The following LRPPRC variants were observed in gnomAD, a reference collection of about 807,000 sequenced individuals.
The protein encoded by LRPPRC is leucine-rich PPR motif-containing protein, mitochondrial.
In LRPPRC, 120 loss-of-function variants were observed where a neutral mutation model predicts 180.3. The observed-to-expected ratio is 0.67, with a 90% CI of 0.57 to 0.77. The LOEUF (loss-of-function observed/expected upper bound fraction) is 0.77, where lower values mean the gene tolerates loss of function less well. Ranked by LOEUF, LRPPRC falls within the 30% of genes least tolerant of loss-of-function variation. LRPPRC has a pLI of 0.00. For synonymous variants in LRPPRC, 723 were observed against 600.0 expected, an observed-to-expected ratio of 1.21 and a Z score of -3.00; for missense variants, 2,012 against 1,657.2, an observed-to-expected ratio of 1.21 and a Z score of -3.72.
chr2:43,920,864 G>T lies in LRPPRC; in HGVS notation c.2897-2466C>A, dbSNP rs138078300. Among the ~76,000 whole-genome samples, 133 of 152,228 alleles carry T rather than the reference G, an allele frequency of 8.7e-4. 1 individual carries two copies. Among genetic ancestry groups the T allele is most frequent in the Non-Finnish European group, 1.7e-3 (114 of 68,026 alleles). On this transcript the variant is annotated intron_variant, in intron 27 of 37. Coordinates refer to ENST00000260665, the MANE Select transcript of LRPPRC (RefSeq NM_133259.4). ...ATTCTAAACAATAAAAAGGTGGGTG[G>T]ATAATCTACAACTCCGTGCCTTTAG...
chr2:43,934,988 C>T, intron 23 of LRPPRC, 110 bp from the exon 24 acceptor site: 1 of 814,514 alleles, frequency 1.2e-6, no homozygotes, highest in East Asian at 2.6e-5. Flanking sequence ...AACAACTGAG[C>T]TTTACTTAAG....
intron 11 of LRPPRC, among the ~76,000 whole-genome samples, 175 bp downstream of exon 11, chr2:43,973,430 CAT>C (rs1673906455): frequency 1.3e-5 from 2 of 152,088 alleles, no homozygotes; most frequent in South Asian, 2.1e-4. Context: ...AGAAATCCAT[CAT>C]GTTTTGTTTT....
At chr2:43,940,684 G>A (rs1004660538) in intron 23 of LRPPRC, among the ~76,000 whole-genome samples, 2 of 152,054 alleles carry the variant, frequency 1.3e-5, no homozygotes, top group African/African-American at 4.8e-5. Flanking sequence ...AATGGATCAG[G>A]TATAAAACAA....
chr2:43,979,159 GAA>G (rs71738475), intron 3 of LRPPRC, among the ~76,000 whole-genome samples: 28,357 of 151,846 alleles, frequency 0.19, 3,075 homozygotes, highest in African/African-American at 0.29. Context: ...ACATAAAACT[GAA>G]AAGGTATAAA....
intron 15 of LRPPRC, among the ~76,000 whole-genome samples, chr2:43,949,953 A>G (rs1672836176): frequency 6.6e-6 from 1 of 152,228 alleles, no homozygotes; most frequent in African/African-American, 2.4e-5. Flanking sequence ...ATCACTCTGA[A>G]TGAACTGTTA....
Position 43,974,215 on chromosome 2 carries a change from A to T in LRPPRC, c.1090T>A (p.Ser364Thr), listed in dbSNP as rs779210656. The change falls in exon 9 of 38, where the codon TCA becomes ACA. Residue 364 changes from serine to threonine, a missense_variant. By Grantham distance (58) the Ser-to-Thr change is moderately conservative (BLOSUM62 1). Coordinates refer to ENST00000260665, the MANE Select transcript of LRPPRC (RefSeq NM_133259.4). Reference protein sequence around the residue: ...ALQILLACPVSKEDGPSVFGS... With the variant: ...ALQILLACPVTKEDGPSVFGS... ...AAGACACTTGGGCCATCTTCCTTTG[A>T]TACGGGGCATGCTAGTAAAATTTGC... 6 of 1,611,866 alleles carry T rather than the reference A, an allele frequency of 3.7e-6. No homozygotes were observed. In the South Asian group the frequency reaches 6.6e-5, roughly 18 times the overall value.
At chr2:43,950,790 C>A (rs1015902348) in intron 14 of LRPPRC, among the ~76,000 whole-genome samples, 190 bp from the exon 15 acceptor site, 1 of 152,174 alleles carries the variant, frequency 6.6e-6, no homozygotes, top group East Asian at 1.9e-4. Context: ...TCAAAATAGG[C>A]CAGGCCTGGT....
intron 1 of LRPPRC, among the ~76,000 whole-genome samples, chr2:43,982,762 G>A (rs188456872): frequency 9.3e-4 from 142 of 152,224 alleles, no homozygotes; most frequent in African/African-American, 3.3e-3. Context: ...CCAAAACAAG[G>A]TAATGACAGA....
chr2:43,948,547 C>G, intron 16 of LRPPRC, 29 bp from the exon 17 acceptor site: 2 of 1,086,016 alleles, frequency 1.8e-6, no homozygotes, highest in Non-Finnish European at 2.9e-6. Context: ...GAAAGCATTC[C>G]ACTAAAATTA....
At chr2:43,889,428 T>C (rs1217226530) in intron 37 of LRPPRC, among the ~76,000 whole-genome samples, 1 of 150,326 alleles carries the variant, frequency 6.7e-6, no homozygotes, top group Admixed American at 6.6e-5. Flanking sequence ...GCTGTTGAAC[T>C]ACAGGCCATT....
chr2:43,913,379 C>T (rs1385156095), intron 29 of LRPPRC, among the ~76,000 whole-genome samples: 1 of 152,246 alleles, frequency 6.6e-6, no homozygotes, highest in Non-Finnish European at 1.5e-5. Flanking sequence ...TGAACTATCA[C>T]GTACGGCCTT....
At chr2:43,898,696 C>G (rs1016290384) in intron 34 of LRPPRC, among the ~76,000 whole-genome samples, 1 of 152,078 alleles carries the variant, frequency 6.6e-6, no homozygotes, top group African/African-American at 2.4e-5. Context: ...GTCTGTGACA[C>G]ACAAGTGAAT....
chr2:43,895,356 G>C (rs1670641508), intron 35 of LRPPRC, among the ~76,000 whole-genome samples: 1 of 152,140 alleles, frequency 6.6e-6, no homozygotes, highest in Non-Finnish European at 1.5e-5. Context: ...TGTTTATTCA[G>C]TCAATCCACA....
chr2:43,918,068 G>T lies in LRPPRC; in HGVS notation c.3105C>A (p.Phe1035Leu), dbSNP rs562563404. Residue 1035 changes from phenylalanine to leucine, a missense_variant, in exon 29 of 38, where the codon TTC becomes TTA. By Grantham distance (22) the Phe-to-Leu change is conservative. Coordinates refer to ENST00000260665, the MANE Select transcript of LRPPRC (RefSeq NM_133259.4). ...GGCAGGCAATCAATATATCTTTCTG[G>T]AAATCAGGTTCTGTGGTTGAGGCTG... ...SSSASTTEPD[F>L]QKDILIACRL... 3.1e-6 allele frequency: 5 copies of T among 1,611,298 alleles called. No individual in the cohort carries two copies. The East Asian group carries it at 1.1e-4, about 36-fold the overall frequency.
At chr2:43,935,894 C>T (rs1672258223) in intron 23 of LRPPRC, among the ~76,000 whole-genome samples, 1 of 152,112 alleles carries the variant, frequency 6.6e-6, no homozygotes. Context: ...GGGCGGATCA[C>T]CTGAGGTGGA....
intron 1 of LRPPRC, among the ~76,000 whole-genome samples, chr2:43,993,871 C>G (rs1346521058): frequency 2.0e-5 from 3 of 151,932 alleles, no homozygotes; most frequent in Non-Finnish European, 1.5e-5. Context: ...CATTTGAGAT[C>G]TGAATGATAA....
intron 11 of LRPPRC, among the ~76,000 whole-genome samples, chr2:43,971,989 C>T (rs199787290): frequency 6.8e-6 from 1 of 147,322 alleles, no homozygotes; most frequent in African/African-American, 2.6e-5. Flanking sequence ...AAAATTCACT[C>T]TCTTTTAGCA....
At chr2:43,926,047 T>A (rs1671866007) in intron 25 of LRPPRC, 86 bp from the exon 26 acceptor site, 1 of 782,024 alleles carries the variant, frequency 1.3e-6, no homozygotes, top group South Asian at 1.4e-5. Context: ...TCTTTTCTTA[T>A]GAATTTGCTG....
chr2:43,983,799 G>GA (rs1674413421), intron 1 of LRPPRC, among the ~76,000 whole-genome samples: 1 of 152,076 alleles, frequency 6.6e-6, no homozygotes, highest in South Asian at 2.1e-4. Context: ...TTTACTAAAG[G>GA]AAACTATACT....
Sources: allele counts gnomAD v4.1 joint callset (sites outside exome capture counted in the v4.1 genomes callset), GRCh38; gene constraint gnomAD v4.1.1; transcripts MANE v1.5; gene names NCBI Gene and HGNC (gene_info 2026-07-23, HGNC 2026-07-21).